Variants in MAGI2 observed in about 807,000 individuals in gnomAD.
MAGI2 encodes the protein membrane associated guanylate kinase, WW and PDZ domain containing 2, also known as membrane-associated guanylate kinase, WW and PDZ domain-containing protein 2.
Under a neutral mutation model 133.3 loss-of-function variants are expected in MAGI2, and 35 were observed. That is an observed-to-expected ratio of 0.26 (90% CI 0.20 to 0.35). The LOEUF (loss-of-function observed/expected upper bound fraction) is 0.35. Ranked by LOEUF, MAGI2 falls within the 10% of genes least tolerant of loss-of-function variation. The pLI is 1.00. For synonymous variants in MAGI2, 729 were observed against 710.6 expected, an observed-to-expected ratio of 1.03 and a Z score of -0.41; for missense variants, 1,636 against 1,863.4, an observed-to-expected ratio of 0.88 and a Z score of 2.25.
chr7:79,065,279 T>C (rs1814190622), intron 1 of MAGI2, among the ~76,000 whole-genome samples: 1 of 152,100 alleles, frequency 6.6e-6, no homozygotes, highest in Non-Finnish European at 1.5e-5. Flanking sequence ...GAGACTGTAA[T>C]AGAATATATA....
chr7:79,409,573 C>T (rs562194135), intron 1 of MAGI2, among the ~76,000 whole-genome samples: 9 of 151,806 alleles, frequency 5.9e-5, no homozygotes, highest in Admixed American at 2.6e-4. Context: ...GATTGCTATA[C>T]GTACATGAGC....
chr7:78,192,148 T>C (rs530260027), intron 12 of MAGI2, among the ~76,000 whole-genome samples: 42 of 152,280 alleles, frequency 2.8e-4, no homozygotes, highest in African/African-American at 9.4e-4. Flanking sequence ...CACTATAGGC[T>C]AGGGGAAATG....
At chr7:79,067,598 C>A (rs150852323) in intron 1 of MAGI2, among the ~76,000 whole-genome samples, 227 of 152,270 alleles carry the variant, frequency 1.5e-3, no homozygotes, top group African/African-American at 5.1e-3. Context: ...CCATTTATTT[C>A]TTTCTCTTGC....
intron 1 of MAGI2, among the ~76,000 whole-genome samples, chr7:79,166,637 TCC>T (rs1824946265): frequency 6.6e-6 from 1 of 152,080 alleles, no homozygotes; most frequent in Admixed American, 6.6e-5. Context: ...TATCTAAAAT[TCC>T]ACAATGTCTC....
chr7:78,276,679 G>A (rs531845511), intron 9 of MAGI2, among the ~76,000 whole-genome samples: 43 of 152,084 alleles, frequency 2.8e-4, no homozygotes, highest in Non-Finnish European at 4.7e-4. Context: ...GCAGTTATGA[G>A]TTACCTTACA....
chr7:78,636,584 G>T (rs555183047), intron 2 of MAGI2, among the ~76,000 whole-genome samples: 1 of 151,978 alleles, frequency 6.6e-6, no homozygotes, highest in Non-Finnish European at 1.5e-5. Flanking sequence ...GGATCGAGAG[G>T]TCAGGAGATA....
At chr7:78,061,923 T>C (rs891584097) in intron 21 of MAGI2, among the ~76,000 whole-genome samples, 2 of 152,218 alleles carry the variant, frequency 1.3e-5, no homozygotes, top group East Asian at 1.9e-4. Context: ...ACTTCGTCAT[T>C]GGAGTCTTGA....
intron 6 of MAGI2, among the ~76,000 whole-genome samples, chr7:78,375,963 A>G (rs1035829979): frequency 1.3e-5 from 2 of 152,158 alleles, no homozygotes; most frequent in Non-Finnish European, 2.9e-5. Context: ...ACTTTTTGCT[A>G]ACAAAAGGTA....
chr7:78,489,902 A>T lies in MAGI2; in HGVS notation c.966-62T>A, dbSNP rs1285542104. 8 of 1,153,084 alleles carry T rather than the reference A, an allele frequency of 6.9e-6. No individual in the cohort carries two copies. In the Admixed American group the frequency reaches 1.2e-4, roughly 18 times the overall value. 71.4% of individuals were successfully genotyped at this position (1,153,084 alleles called of 1,614,324 possible). On this transcript the variant is annotated intron_variant, in intron 5 of 21. Coordinates refer to ENST00000354212, the MANE Select transcript of MAGI2 (RefSeq NM_012301.4). ...CTAAAAGGAATCAAGTTTATTCCTT[A>T]AGAAAAAAAAAGCAGGGTTAGTCCA...
At chr7:79,144,665 T>C (rs1045186918) in intron 1 of MAGI2, among the ~76,000 whole-genome samples, 10 of 152,202 alleles carry the variant, frequency 6.6e-5, no homozygotes, top group African/African-American at 2.4e-4. Flanking sequence ...GAGTTCACTG[T>C]GAGTGCTAAC....
intron 2 of MAGI2, among the ~76,000 whole-genome samples, chr7:78,947,943 G>A (rs1460062381): frequency 6.6e-6 from 1 of 151,970 alleles, no homozygotes; most frequent in Admixed American, 6.6e-5. Flanking sequence ...ACTTTCCTTA[G>A]ATCTTTTCTG....
intron 12 of MAGI2, among the ~76,000 whole-genome samples, chr7:78,186,408 G>A (rs1257139779): frequency 1.3e-5 from 2 of 152,136 alleles, no homozygotes; most frequent in African/African-American, 4.8e-5. Context: ...TCAGGGGTAG[G>A]CAAGGCTCCA....
In MAGI2 at chr7:78,017,220, ATTATAT is replaced by A. The variant is rs1807875079; in HGVS notation, c.*2089_*2094del. ...CTTTCTGTGACTATTAATACATGGA[ATTATAT>A]TTATAGAGATACAGCTGTACAGGGT... On this transcript the variant is annotated 3_prime_UTR_variant, in exon 22 of 22. Transcript: ENST00000354212. The A allele has an allele frequency of 6.6e-6, 1 of 152,620 alleles. No individual in the cohort carries two copies. Among genetic ancestry groups the A allele is most frequent in the Non-Finnish European group, 1.5e-5 (1 of 68,026 alleles). The allele number at this position is 152,620 out of a possible 1,614,324, so 9.5% of individuals were successfully genotyped here. A position where few individuals can be genotyped will look rare whatever the true frequency, so the allele number is the denominator to read the frequency against.
At chr7:78,701,231 T>C (rs866343927) in intron 2 of MAGI2, among the ~76,000 whole-genome samples, 6 of 151,926 alleles carry the variant, frequency 3.9e-5, no homozygotes, top group Non-Finnish European at 1.5e-5. Context: ...CATTAGTATG[T>C]TCACTATATA....
chr7:79,370,823 T>C (rs1199419420), intron 1 of MAGI2, among the ~76,000 whole-genome samples: 1 of 152,056 alleles, frequency 6.6e-6, no homozygotes, highest in Non-Finnish European at 1.5e-5. Context: ...ATAAAGTTCA[T>C]AACAGAAACA....
intron 9 of MAGI2, among the ~76,000 whole-genome samples, chr7:78,280,126 A>G (rs2151008902): frequency 6.6e-6 from 1 of 152,308 alleles, no homozygotes; most frequent in Non-Finnish European, 1.5e-5. Flanking sequence ...CAAGGTAAGC[A>G]GCGCTCAGCA....
At chr7:78,372,744 TA>T (rs1347338069) in intron 6 of MAGI2, among the ~76,000 whole-genome samples, 1 of 152,150 alleles carries the variant, frequency 6.6e-6, no homozygotes, top group African/African-American at 2.4e-5. Flanking sequence ...AACAAAAGAT[TA>T]AACACGCACC....
At chr7:78,781,068 A>T (rs1237299572) in intron 2 of MAGI2, among the ~76,000 whole-genome samples, 1 of 152,132 alleles carries the variant, frequency 6.6e-6, no homozygotes, top group Non-Finnish European at 1.5e-5. Context: ...TGATTGTGAG[A>T]TACTGTGGTA....
chr7:79,387,094 T>TTTTGTGTG (rs71518929), intron 1 of MAGI2, among the ~76,000 whole-genome samples: 2 of 141,506 alleles, frequency 1.4e-5, no homozygotes, highest in African/African-American at 2.7e-5. Flanking sequence ...ATTTTTATGC[T>TTTTGTGTG]TGTGTGTGTG....
Sources: gnomAD v4.1 joint callset for allele counts (sites outside exome capture counted in the v4.1 genomes callset) on GRCh38, gnomAD v4.1.1 for gene constraint, MANE v1.5 for transcripts, NCBI Gene and HGNC (gene_info 2026-07-23, HGNC 2026-07-21) for gene names.